Variants in LPGAT1 observed in about 807,000 individuals in gnomAD.
The protein encoded by LPGAT1 is lysophosphatidylglycerol acyltransferase 1.
In LPGAT1, 11 loss-of-function variants were observed where a neutral mutation model predicts 47.5. That is an observed-to-expected ratio of 0.23 (90% CI 0.15 to 0.38). LPGAT1 has a LOEUF of 0.38. Among genes scored for constraint, LPGAT1 ranks in the 10% least tolerant of loss-of-function variants. LPGAT1 has a pLI of 1.00. For missense variants in LPGAT1, 293 were observed against 439.0 expected (o/e 0.67, Z 2.97); for synonymous variants, 138 against 144.2 (o/e 0.96, Z 0.31).
chr1:211,808,845 G>A (rs970921792), intron 2 of LPGAT1, among the ~76,000 whole-genome samples: 13 of 151,984 alleles, frequency 8.6e-5, no homozygotes, highest in African/African-American at 2.4e-4. Flanking sequence ...TTTTTGTTTC[G>A]TGTTTATTTT....
At position 211,794,768 on chromosome 1, in the gene LPGAT1, A is replaced by G. The variant is rs376099683; in HGVS notation, c.239-1578T>C. Among the ~76,000 whole-genome samples, 47 of 152,348 alleles carry G rather than the reference A, an allele frequency of 3.1e-4. 1 individual carries two copies. In the South Asian group the frequency reaches 9.1e-3, roughly 30 times the overall value. ...CTCACTGCTGCAAGGAAAGAATTCAAGCCACCTGTGTGTAAAAGCTCAGGA... is the reference window on the plus strand; with the variant it reads ...CTCACTGCTGCAAGGAAAGAATTCAGGCCACCTGTGTGTAAAAGCTCAGGA... On this transcript the variant is annotated intron_variant, in intron 2 of 7. Coordinates refer to ENST00000366997, the MANE Select transcript of LPGAT1 (RefSeq NM_014873.3).
At chr1:211,796,137 T>C (rs1471654052) in intron 2 of LPGAT1, among the ~76,000 whole-genome samples, 3 of 152,086 alleles carry the variant, frequency 2.0e-5, no homozygotes, top group Non-Finnish European at 4.4e-5. Context: ...ACATAAAATA[T>C]ATCTTACCTG....
chr1:211,799,396 G>A (rs1253578380), intron 2 of LPGAT1, among the ~76,000 whole-genome samples: 1 of 152,036 alleles, frequency 6.6e-6, no homozygotes, highest in Non-Finnish European at 1.5e-5. Flanking sequence ...TTCCAAATAT[G>A]CAGATAGTAT....
chr1:211,771,111 A>AC (rs1338295325), intron 6 of LPGAT1, among the ~76,000 whole-genome samples: 8 of 152,056 alleles, frequency 5.3e-5, no homozygotes, highest in Admixed American at 1.3e-4. Flanking sequence ...AAAAAAAAAA[A>AC]AAACAACTTT....
chr1:211,761,409 T>C (rs1475749337), intron 6 of LPGAT1, among the ~76,000 whole-genome samples: 1 of 152,118 alleles, frequency 6.6e-6, no homozygotes, highest in Non-Finnish European at 1.5e-5. Flanking sequence ...ATAATGAAAG[T>C]TCTGTGGGGC....
At chr1:211,828,406 G>A (rs1217694690) in intron 2 of LPGAT1, among the ~76,000 whole-genome samples, 1 of 152,132 alleles carries the variant, frequency 6.6e-6, no homozygotes, top group Non-Finnish European at 1.5e-5. Flanking sequence ...TCTGAATAGT[G>A]TTACTCTTGC....
intron 6 of LPGAT1, among the ~76,000 whole-genome samples, chr1:211,772,708 A>G (rs1019016099): frequency 6.6e-6 from 1 of 152,206 alleles, no homozygotes; most frequent in Non-Finnish European, 1.5e-5. Flanking sequence ...AATAACATTG[A>G]CCATAATTTG....
Position 211,783,214 on chromosome 1 carries a change from TA to T in LPGAT1, c.727+14del. 6.3e-7 allele frequency: 1 copy of T among 1,581,994 alleles called. No individual in the cohort carries two copies. The highest frequency in any genetic ancestry group is 8.6e-7 in the Non-Finnish European group (1 of 1,159,548). The stretch of plus-strand genomic sequence containing the variant: ...TTAACTCCAACAAGGTAAAAAATGC[TA>T]AAAACCATCATACCTAATTCTTTAG... On this transcript the variant is annotated intron_variant, in intron 5 of 7. Coordinates refer to ENST00000366997, the MANE Select transcript of LPGAT1 (RefSeq NM_014873.3).
intron 2 of LPGAT1, among the ~76,000 whole-genome samples, chr1:211,795,349 AGTTGT>A (rs2102559569): frequency 6.6e-6 from 1 of 152,130 alleles, no homozygotes; most frequent in East Asian, 1.9e-4. Context: ...GGATGCCACT[AGTTGT>A]GTTTTTTGTT....
At chr1:211,790,396 C>G (rs1659063561) in intron 3 of LPGAT1, among the ~76,000 whole-genome samples, 1 of 151,624 alleles carries the variant, frequency 6.6e-6, no homozygotes, top group Admixed American at 6.6e-5. Flanking sequence ...ATATTACCAT[C>G]AAAGCAATAT....
At chr1:211,767,846 CCTT>C (rs1658005856) in intron 6 of LPGAT1, among the ~76,000 whole-genome samples, 1 of 152,034 alleles carries the variant, frequency 6.6e-6, no homozygotes, top group African/African-American at 2.4e-5. Context: ...GCTCAAAAAT[CCTT>C]AAAGGCAATA....
chr1:211,801,706 T>C lies in LPGAT1; in HGVS notation c.239-8516A>G, dbSNP rs566537083. On this transcript the variant is annotated intron_variant, in intron 2 of 7. Transcript: ENST00000366997. ...CTGGGAGACAGAGCGAGACCCTGTC[T>C]CTTAAAAAAGGGAAGGGGAGGGGAG... Among the ~76,000 whole-genome samples, 165 of 143,488 alleles carry C rather than the reference T, an allele frequency of 1.1e-3. 3 individuals carry two copies. The highest frequency in any genetic ancestry group is 8.7e-3 in the Admixed American group (122 of 13,970). The allele number at this position is 143,488 out of a possible 152,430, so 94.1% of individuals were successfully genotyped here.
chr1:211,770,921 G>T (rs1042072076), intron 6 of LPGAT1, among the ~76,000 whole-genome samples: 1 of 151,826 alleles, frequency 6.6e-6, no homozygotes, highest in Non-Finnish European at 1.5e-5. Flanking sequence ...ACATGGTAAA[G>T]CCCCATCTCT....
chr1:211,774,259 T>C (rs536857049), intron 6 of LPGAT1, among the ~76,000 whole-genome samples: 19 of 148,552 alleles, frequency 1.3e-4, no homozygotes, highest in African/African-American at 4.7e-4. Context: ...CTCAGACTCC[T>C]GAGTAGTACA....
At position 211,746,466 on chromosome 1, in the gene LPGAT1, C is replaced by G. The variant is rs1241737444; in HGVS notation, c.*3433G>C. 8.5e-5 allele frequency: 13 copies of G among 152,106 alleles called. No individual in the cohort carries two copies. Among genetic ancestry groups the G allele is most frequent in the Admixed American group, 8.5e-4 (13 of 15,266 alleles). 9.4% of individuals were successfully genotyped at this position (152,106 alleles called of 1,614,324 possible). Reference sequence around the variant, plus strand: ...TCATAAATATATAGGCAAAAAACCCCTAAGAAACAACTTAAATCATTTAAT... The same window carrying G: ...TCATAAATATATAGGCAAAAAACCCGTAAGAAACAACTTAAATCATTTAAT... On this transcript the variant is annotated 3_prime_UTR_variant, in exon 8 of 8. Coordinates refer to ENST00000366997, the MANE Select transcript of LPGAT1 (RefSeq NM_014873.3).
intron 6 of LPGAT1, among the ~76,000 whole-genome samples, chr1:211,772,837 A>G (rs952329895): frequency 1.3e-5 from 2 of 152,226 alleles, no homozygotes; most frequent in Non-Finnish European, 2.9e-5. Context: ...TAAAATGTAT[A>G]AAAACTCATG....
chr1:211,757,367 T>C (rs1206731194), intron 6 of LPGAT1, among the ~76,000 whole-genome samples: 1 of 152,210 alleles, frequency 6.6e-6, no homozygotes, highest in East Asian at 1.9e-4. Context: ...TTACTTCCCT[T>C]GTGTTTAAGA....
At position 211,799,147 on chromosome 1, in the gene LPGAT1, G is replaced by C. The variant is rs181467005; in HGVS notation, c.239-5957C>G. ...TACATTGTACACACTAGGAAATCAT[G>C]GTCAGTGTCCCTTTGACTCTTAAAT... On this transcript the variant is annotated intron_variant, in intron 2 of 7. Transcript: ENST00000366997. Among the ~76,000 whole-genome samples, 55 of 152,034 alleles carry C rather than the reference G, an allele frequency of 3.6e-4. No individual in the cohort carries two copies. The East Asian group carries it at 9.7e-3, about 27-fold the overall frequency.
At chr1:211,829,625 G>A (rs1660656430) in intron 1 of LPGAT1, 67 of 1,146,982 alleles carry the variant, frequency 5.8e-5, no homozygotes, top group Non-Finnish European at 7.1e-5. Flanking sequence ...GTCTCACTGC[G>A]GTCGTCTATT....
Sources: gnomAD v4.1 joint callset for allele counts (sites outside exome capture counted in the v4.1 genomes callset) on GRCh38, gnomAD v4.1.1 for gene constraint, MANE v1.5 for transcripts, NCBI Gene and HGNC (gene_info 2026-07-23, HGNC 2026-07-21) for gene names.